Variants in DIAPH2 observed in about 807,000 individuals in gnomAD.
DIAPH2 encodes the protein protein diaphanous homolog 2.
Under a neutral mutation model 92.7 loss-of-function variants are expected in DIAPH2, and 35 were observed. That is an observed-to-expected ratio of 0.38 (90% CI 0.29 to 0.50). DIAPH2 has a LOEUF of 0.50. Among genes scored for constraint, DIAPH2 ranks in the 20% least tolerant of loss-of-function variants. The pLI, the probability that DIAPH2 is intolerant of heterozygous loss-of-function variation, is 0.94. For synonymous variants in DIAPH2, 301 were observed against 280.4 expected, an observed-to-expected ratio of 1.07 and a Z score of -0.73; for missense variants, 701 against 819.5, an observed-to-expected ratio of 0.86 and a Z score of 1.77.
intron 22 of DIAPH2, among the ~76,000 whole-genome samples, chrX:97,142,528 G>A (rs914505665): frequency 9.0e-6 from 1 of 111,465 alleles, no homozygotes; most frequent in African/African-American, 3.3e-5. Flanking sequence ...GTGGTAAGCA[G>A]TACAGCATCA....
At chrX:97,367,337 A>G (rs764530284) in intron 24 of DIAPH2, among the ~76,000 whole-genome samples, 1 of 111,877 alleles carries the variant, frequency 8.9e-6, no homozygotes, top group East Asian at 2.8e-4. Flanking sequence ...GATGTTTTAC[A>G]TTGTGCAATG....
Position 96,756,654 on chromosome X carries a change from A to T in DIAPH2, c.343-1500A>T, listed in dbSNP as rs529993511. On this transcript the variant is annotated intron_variant, in intron 3 of 26. Transcript: ENST00000324765. ...TGCTTAGGTATGTAAGCTGGGTCAT[A>T]TGGTAGATAAATCTGTTTAACTTTT... Among the ~76,000 whole-genome samples the T allele has an allele frequency of 5.4e-5, 6 of 111,696 alleles. No homozygotes were observed. The East Asian group carries it at 1.1e-3, about 21-fold the overall frequency.
chrX:97,134,411 G>A (rs929718248), intron 21 of DIAPH2, among the ~76,000 whole-genome samples: 3 of 111,795 alleles, frequency 2.7e-5, no homozygotes, highest in Admixed American at 1.9e-4. Context: ...AGAGGACCTA[G>A]GCAAGCTGTA....
At position 97,141,849 on chromosome X, in the gene DIAPH2, A is replaced by C. The variant is rs1012561827; in HGVS notation, c.2719+55A>C. 2.8e-6 allele frequency: 3 copies of C among 1,086,001 alleles called. No homozygotes were observed. In the African/African-American group the frequency reaches 5.7e-5, roughly 21 times the overall value. 89.5% of individuals were successfully genotyped at this position (1,086,001 alleles called of 1,213,427 possible). ...TCTCTTGCCTATATGGTTTAAATGG[A>C]ACAATTAAAGAATCTGTAAACATTA... On this transcript the variant is annotated intron_variant, in intron 22 of 26. Transcript: ENST00000324765.
At chrX:97,410,863 T>C (rs1439762696) in intron 25 of DIAPH2, among the ~76,000 whole-genome samples, 1 of 109,443 alleles carries the variant, frequency 9.1e-6, no homozygotes, top group African/African-American at 3.3e-5. Flanking sequence ...GAAAAAAGAG[T>C]AAAAAGAAAT....
intron 24 of DIAPH2, among the ~76,000 whole-genome samples, chrX:97,362,363 T>C (rs1023518132): frequency 8.9e-6 from 1 of 112,049 alleles, no homozygotes; most frequent in African/African-American, 3.2e-5. Context: ...ACGTTGCAAA[T>C]TGGCAAAAGA....
chrX:96,962,420 C>CACATAT (rs2065864769), intron 16 of DIAPH2, among the ~76,000 whole-genome samples: 3 of 60,166 alleles, frequency 5.0e-5, no homozygotes, highest in African/African-American at 2.4e-4. Context: ...TATATATACA[C>CACATAT]ATATATATAC....
intron 17 of DIAPH2, among the ~76,000 whole-genome samples, chrX:97,053,115 C>T (rs972374658): frequency 9.0e-6 from 1 of 110,901 alleles, no homozygotes; most frequent in Non-Finnish European, 1.9e-5. Flanking sequence ...GTTTGTAGGA[C>T]CATTACCTAT....
intron 21 of DIAPH2, among the ~76,000 whole-genome samples, chrX:97,137,728 G>T (rs2067183075): frequency 1.8e-5 from 2 of 111,200 alleles, no homozygotes; most frequent in African/African-American, 6.5e-5. Flanking sequence ...TAATCAGGCA[G>T]ACAGCAGCAG....
intron 3 of DIAPH2, among the ~76,000 whole-genome samples, chrX:96,747,987 A>C (rs1337239858): frequency 8.9e-6 from 1 of 111,833 alleles, no homozygotes; most frequent in African/African-American, 3.2e-5. Flanking sequence ...ATAATGCCAG[A>C]AGCATTTCTA....
At chrX:96,895,203 C>G (rs1367992297) in intron 5 of DIAPH2, among the ~76,000 whole-genome samples, 1 of 110,267 alleles carries the variant, frequency 9.1e-6, no homozygotes, top group Non-Finnish European at 1.9e-5. Flanking sequence ...TGGGGTTTCC[C>G]CGTGTTGGCC....
chrX:96,853,471 A>G (rs775468037), intron 4 of DIAPH2, among the ~76,000 whole-genome samples: 1 of 111,733 alleles, frequency 8.9e-6, no homozygotes, highest in East Asian at 2.8e-4. Context: ...ACTTAGCAGG[A>G]CCACAGAATT....
At position 97,175,293 on chromosome X, in the gene DIAPH2, C is replaced by T. The variant is rs2067483430; in HGVS notation, c.2719+33499C>T. Among the ~76,000 whole-genome samples, 3 of 111,599 alleles carry T rather than the reference C, an allele frequency of 2.7e-5. No homozygotes were observed. In the Admixed American group the frequency reaches 2.9e-4, roughly 11 times the overall value. ...CACTAAATCCTCCGTTCTGCTCCTC[C>T]AATATCTCATAGGCTGTCATCTGAT... On this transcript the variant is annotated intron_variant, in intron 22 of 26. Coordinates refer to ENST00000324765, the MANE Select transcript of DIAPH2 (RefSeq NM_006729.5).
At chrX:96,888,069 T>C (rs2065276504) in intron 5 of DIAPH2, among the ~76,000 whole-genome samples, 1 of 108,290 alleles carries the variant, frequency 9.2e-6, no homozygotes, top group Admixed American at 1.0e-4. Flanking sequence ...TCTCTCTCTT[T>C]TTTTTTTTGA....
chrX:97,456,331 G>T (rs1167125365), intron 26 of DIAPH2, among the ~76,000 whole-genome samples: 3 of 109,673 alleles, frequency 2.7e-5, no homozygotes, highest in African/African-American at 1.0e-4. Flanking sequence ...AGCTTGCAGT[G>T]AGCCGAGATC....
intron 26 of DIAPH2, among the ~76,000 whole-genome samples, chrX:97,525,413 G>A (rs1423955910): frequency 8.9e-6 from 1 of 112,081 alleles, no homozygotes; most frequent in Non-Finnish European, 1.9e-5. Flanking sequence ...CATCACCGGG[G>A]GGCTATGAAT....
intron 26 of DIAPH2, among the ~76,000 whole-genome samples, chrX:97,568,440 G>A (rs769652270): frequency 9.0e-6 from 1 of 111,053 alleles, no homozygotes; most frequent in African/African-American, 3.3e-5. Context: ...GGGGTGGTTG[G>A]TACAATAAGA....
chrX:96,876,352 T>C (rs1195198877), intron 4 of DIAPH2, among the ~76,000 whole-genome samples: 3 of 111,939 alleles, frequency 2.7e-5, no homozygotes, highest in Non-Finnish European at 5.6e-5. Context: ...GACAGTGTGG[T>C]GATTCCTCAG....
At chrX:97,156,333 A>G (rs1165623565) in intron 22 of DIAPH2, among the ~76,000 whole-genome samples, 1 of 112,098 alleles carries the variant, frequency 8.9e-6, no homozygotes. Context: ...TTTCTCTATG[A>G]TTGTTTTATG....
Sources: allele counts gnomAD v4.1 joint callset (sites outside exome capture counted in the v4.1 genomes callset), GRCh38; gene constraint gnomAD v4.1.1; transcripts MANE v1.5; gene names NCBI Gene and HGNC (gene_info 2026-07-23, HGNC 2026-07-21).